The following GPAM variants were observed in gnomAD, a reference collection of about 807,000 sequenced individuals.
The protein encoded by GPAM is glycerol-3-phosphate acyltransferase, mitochondrial.
Under a neutral mutation model 105.0 loss-of-function variants are expected in GPAM, and 56 were observed. That is an observed-to-expected ratio of 0.53 (90% CI 0.43 to 0.67). The LOEUF is 0.67. GPAM is among the 30% of genes least tolerant of loss of function. The pLI, the probability that GPAM is intolerant of heterozygous loss-of-function variation, is 0.00. For synonymous variants in GPAM, 368 were observed against 354.4 expected (o/e 1.04, Z -0.43); for missense variants, 855 against 989.8 (o/e 0.86, Z 1.83).
At chr10:112,208,947 C>T (rs1476713788) in intron 1 of GPAM, among the ~76,000 whole-genome samples, 1 of 152,180 alleles carries the variant, frequency 6.6e-6, no homozygotes, top group South Asian at 2.1e-4. Context: ...GCCATGAATG[C>T]TAAACAACCA....
intron 3 of GPAM, 151 bp from the exon 4 acceptor site, chr10:112,180,746 T>G: frequency 1.4e-6 from 1 of 712,562 alleles, no homozygotes; most frequent in Non-Finnish European, 2.4e-6. Flanking sequence ...TGATCAACAC[T>G]TGGATAAAAG....
At position 112,153,653 on chromosome 10, in the gene GPAM, G is replaced by A; in HGVS notation, c.2384C>T (p.Thr795Ile). ...MFKDIGVFKE[T>I]KQKRVSVLEL... The stretch of plus-strand genomic sequence containing the variant: ...TAAAACAGACACTCTCTTTTGTTTG[G>A]TCTCCTTGAAAACCTAAAGAAAAGG... The change falls in exon 22 of 22, where the codon ACC (threonine) becomes ATC (isoleucine). Residue 795 changes from threonine to isoleucine, a missense_variant. Transcript: ENST00000348367. 1.2e-6 allele frequency: 2 copies of A among 1,609,572 alleles called. No individual in the cohort carries two copies. Among genetic ancestry groups the A allele is most frequent in the Non-Finnish European group, 1.7e-6 (2 of 1,176,244 alleles).
rs188294837 is a variant in GPAM, at chr10:112,150,176, A to G, written c.*3374T>C. Reference sequence around the variant, plus strand: ...GCCAGACGGCAAGTCTCAGGTTTCTAAAATAGTTTTAAAAAACAGGTTTAC... The same window carrying G: ...GCCAGACGGCAAGTCTCAGGTTTCTGAAATAGTTTTAAAAAACAGGTTTAC... On this transcript the variant is annotated 3_prime_UTR_variant, in exon 22 of 22. Transcript: ENST00000348367. 3 of 985,256 alleles carry G rather than the reference A, an allele frequency of 3.0e-6. No homozygotes were observed. In the East Asian group the frequency reaches 3.4e-4, roughly 112 times the overall value. The allele number at this position is 985,256 out of a possible 1,614,324, so 61.0% of individuals were successfully genotyped here.
At chr10:112,196,267 T>C (rs1270991872) in intron 1 of GPAM, among the ~76,000 whole-genome samples, 1 of 152,198 alleles carries the variant, frequency 6.6e-6, no homozygotes, top group Non-Finnish European at 1.5e-5. Flanking sequence ...TGCAATTAGA[T>C]TATTCTTTTT....
intron 1 of GPAM, among the ~76,000 whole-genome samples, chr10:112,207,405 A>T (rs1847864051): frequency 6.6e-6 from 1 of 152,210 alleles, no homozygotes; most frequent in African/African-American, 2.4e-5. Context: ...ACACTGCTTG[A>T]AATCTTCTAC....
At chr10:112,163,451 A>C (rs1847158521) in intron 14 of GPAM, among the ~76,000 whole-genome samples, 2 of 152,184 alleles carry the variant, frequency 1.3e-5, no homozygotes, top group African/African-American at 4.8e-5. Context: ...TCATTTTAAT[A>C]ATAACTATTT....
chr10:112,170,198 C>T (rs1847289126), intron 9 of GPAM, among the ~76,000 whole-genome samples: 1 of 152,164 alleles, frequency 6.6e-6, no homozygotes, highest in Non-Finnish European at 1.5e-5. Context: ...GACCACTGCT[C>T]TACAGTAAAT....
chr10:112,218,315 G>T (rs1847990627), upstream of GPAM, among the ~76,000 whole-genome samples: 2 of 152,182 alleles, frequency 1.3e-5, no homozygotes, highest in Admixed American at 1.3e-4. Flanking sequence ...AGATGCAGGG[G>T]AAGATGGCTA....
In GPAM at chr10:112,159,899, G is replaced by A; in HGVS notation, c.1902+12C>T. ...AAAAGAGACCAGGCAACACTGAAGGGTCTTCACTCACCAGTGAGATGGTGC... is the reference window on the plus strand; with the variant it reads ...AAAAGAGACCAGGCAACACTGAAGGATCTTCACTCACCAGTGAGATGGTGC... On this transcript the variant is annotated intron_variant, in intron 17 of 21. Transcript: ENST00000348367. 1.9e-6 allele frequency: 3 copies of A among 1,612,904 alleles called. No homozygotes were observed. The highest frequency in any genetic ancestry group is 2.5e-6 in the Non-Finnish European group (3 of 1,179,144).
chr10:112,216,559 A>G (rs1055746263), upstream of GPAM, among the ~76,000 whole-genome samples: 11 of 152,210 alleles, frequency 7.2e-5, no homozygotes, highest in African/African-American at 2.2e-4. Flanking sequence ...CAGGGCTCCT[A>G]CTGGGGAAAG....
chr10:112,212,496 C>A (rs906234071), intron 1 of GPAM, among the ~76,000 whole-genome samples: 1 of 152,172 alleles, frequency 6.6e-6, no homozygotes, highest in African/African-American at 2.4e-5. Context: ...ATCTCCTGAC[C>A]TCATGATCCG....
intron 19 of GPAM, chr10:112,156,935 T>C: frequency 1.9e-6 from 1 of 522,232 alleles, no homozygotes; most frequent in Non-Finnish European, 3.4e-6. Context: ...GGCAGCTCAA[T>C]AGCAAAACTG....
At chr10:112,226,914 A>G in the GPAM span, among the ~76,000 whole-genome samples, 1 of 152,280 alleles carries the variant, frequency 6.6e-6, no homozygotes, top group Middle Eastern at 3.4e-3. Context: ...GCAGCAGGGC[A>G]GACTTCCACC....
chr10:112,182,356 T>C (rs1349369106), intron 2 of GPAM, among the ~76,000 whole-genome samples: 3 of 152,196 alleles, frequency 2.0e-5, no homozygotes, highest in African/African-American at 7.2e-5. Context: ...TAAAAGAACA[T>C]TTTCACTTTT....
chr10:112,151,555 G>T lies in GPAM; in HGVS notation c.*1995C>A. On this transcript the variant is annotated 3_prime_UTR_variant, in exon 22 of 22. Transcript: ENST00000348367. ...ATTGCATTCCCCAAAGCATCTGAACGTACTTCTAGAAAACAAACCAACCAA... is the reference window on the plus strand; with the variant it reads ...ATTGCATTCCCCAAAGCATCTGAACTTACTTCTAGAAAACAAACCAACCAA... 1 of 985,584 alleles carries T rather than the reference G, an allele frequency of 1.0e-6. No individual in the cohort carries two copies. Among genetic ancestry groups the T allele is most frequent in the Non-Finnish European group, 1.2e-6 (1 of 829,768 alleles). The allele number at this position is 985,584 out of a possible 1,614,324, so 61.1% of individuals were successfully genotyped here.
At chr10:112,174,832 G>A (rs893635661) in intron 6 of GPAM, among the ~76,000 whole-genome samples, 1 of 152,098 alleles carries the variant, frequency 6.6e-6, no homozygotes, top group East Asian at 1.9e-4. Context: ...TCATCCATTC[G>A]AGAAGTATTT....
intron 21 of GPAM, chr10:112,154,412 A>C (rs2133222462): frequency 1.7e-6 from 1 of 590,410 alleles, no homozygotes; most frequent in South Asian, 2.0e-5. Flanking sequence ...AACCAGTAAA[A>C]TTCCAGAACA....
chr10:112,174,452 T>C (rs1847368580), intron 6 of GPAM, among the ~76,000 whole-genome samples: 1 of 152,232 alleles, frequency 6.6e-6, no homozygotes, highest in Admixed American at 6.5e-5. Flanking sequence ...TCCAGTTTTA[T>C]AAATCTTCCA....
intron 19 of GPAM, chr10:112,156,702 C>T (rs1268761857): frequency 6.1e-6 from 1 of 165,062 alleles, no homozygotes; most frequent in African/African-American, 2.4e-5. Context: ...TTCTAAATGT[C>T]AAAAAAGAGT....
Sources: allele counts gnomAD v4.1 joint callset (sites outside exome capture counted in the v4.1 genomes callset), GRCh38; gene constraint gnomAD v4.1.1; transcripts MANE v1.5; gene names NCBI Gene and HGNC (gene_info 2026-07-23, HGNC 2026-07-21).